MLIP: variants seen among roughly 807,000 people sequenced by gnomAD.
MLIP encodes the protein muscular LMNA-interacting protein.
Under a neutral mutation model 84.8 loss-of-function variants are expected in MLIP, and 79 were observed. The ratio of observed to expected loss-of-function variants is 0.93; its 90% CI spans 0.78 to 1.12. The LOEUF is 1.12. Among genes scored for constraint, MLIP ranks in the 50% most tolerant of loss-of-function variants. The probability of loss-of-function intolerance (pLI) is 0.00; values close to 1 mark genes in which losing one functional copy is unlikely to be tolerated. For missense variants in MLIP, 1,257 were observed against 1,160.6 expected, an observed-to-expected ratio of 1.08 and a Z score of -1.21; for synonymous variants, 504 against 463.0, an observed-to-expected ratio of 1.09 and a Z score of -1.14.
chr6:54,124,635 G>A lies in MLIP; in HGVS notation c.415G>A (p.Glu139Lys). The A allele has an allele frequency of 6.2e-7, 1 of 1,614,188 alleles. No homozygotes were observed. The highest frequency in any genetic ancestry group is 8.5e-7 in the Non-Finnish European group (1 of 1,180,024). Reference protein sequence around the residue: ...GMQQSDLFKAEYVLIVDSEGE... With the variant: ...GMQQSDLFKAKYVLIVDSEGE... ...GCAGCAAAGTGACCTCTTCAAAGCT[G>A]AATATGTCCTTATTGTGGACTCCGA... Residue 139 changes from glutamate (E) to lysine (K), a missense_variant, in exon 3 of 14, where the codon GAA (glutamate) becomes AAA (lysine). Transcript: ENST00000502396.
intron 5 of MLIP, 26 bp from the exon 6 acceptor site, chr6:54,160,341 A>G (rs371152821): frequency 5.0e-6 from 8 of 1,597,748 alleles, no homozygotes; most frequent in South Asian, 1.1e-5. Context: ...GAAGCCTCAT[A>G]TAAGAACTAT....
chr6:54,203,482 T>C (rs1188988391), intron 11 of MLIP: 1 of 152,192 alleles, frequency 6.6e-6, no homozygotes, highest in African/African-American at 2.4e-5. Flanking sequence ...TAATTACATT[T>C]ATATTTATAT....
intron 1 of MLIP, among the ~76,000 whole-genome samples, chr6:54,105,641 C>G (rs900612882): frequency 1.3e-5 from 2 of 152,050 alleles, no homozygotes; most frequent in East Asian, 3.9e-4. Context: ...AGAAAAATAA[C>G]ATGGGCTAAG....
chr6:54,178,482 T>C (rs1338589288), intron 9 of MLIP, among the ~76,000 whole-genome samples: 1 of 152,184 alleles, frequency 6.6e-6, no homozygotes, highest in African/African-American at 2.4e-5. Flanking sequence ...GACTTTCTAG[T>C]TGTTTAAGGT....
Position 54,194,239 on chromosome 6 carries a change from G to T in MLIP, c.2589+4325G>T, listed in dbSNP as rs185189595. Among the ~76,000 whole-genome samples the T allele has an allele frequency of 2.2e-3, 336 of 152,166 alleles. 2 individuals are homozygous for T. The highest frequency in any genetic ancestry group is 7.7e-3 in the African/African-American group (320 of 41,496). On this transcript the variant is annotated intron_variant, in intron 10 of 13. Transcript: ENST00000502396. Reference sequence around the variant, plus strand: ...TCATCTTTCTGAGGGCCCTTTTAAGGCCTCTGTTGTTCAGAAAATGCAGCC... The same window carrying T: ...TCATCTTTCTGAGGGCCCTTTTAAGTCCTCTGTTGTTCAGAAAATGCAGCC...
intron 1 of MLIP, among the ~76,000 whole-genome samples, chr6:54,056,569 C>G (rs1163599431): frequency 6.6e-6 from 1 of 152,130 alleles, no homozygotes; most frequent in Non-Finnish European, 1.5e-5. Context: ...TGAGAGAATA[C>G]TTTTATATTT....
chr6:54,110,866 A>G (rs899152755), upstream of MLIP, among the ~76,000 whole-genome samples: 3 of 152,214 alleles, frequency 2.0e-5, no homozygotes, highest in African/African-American at 7.2e-5. Context: ...TTTGACAAGG[A>G]TTTGATTCCA....
chr6:54,054,969 G>T (rs549370291), intron 1 of MLIP, among the ~76,000 whole-genome samples: 1 of 151,334 alleles, frequency 6.6e-6, no homozygotes, highest in African/African-American at 2.4e-5. Context: ...CTCACTACAA[G>T]CTCCGCCTCC....
chr6:54,138,397 G>T, intron 4 of MLIP, 111 bp downstream of exon 4: 2 of 1,299,010 alleles, frequency 1.5e-6, no homozygotes, highest in South Asian at 1.6e-5. Flanking sequence ...CTCCTACAAG[G>T]AGGAAGAAAA....
intron 1 of MLIP, among the ~76,000 whole-genome samples, chr6:54,032,825 A>G (rs1306525127): frequency 1.3e-5 from 2 of 152,166 alleles, no homozygotes; most frequent in Non-Finnish European, 2.9e-5. Flanking sequence ...AAGAGGGATC[A>G]TTTTTTGGTT....
intron 1 of MLIP, among the ~76,000 whole-genome samples, chr6:54,041,353 T>C (rs1764731531): frequency 6.6e-6 from 1 of 152,142 alleles, no homozygotes; most frequent in Admixed American, 6.6e-5. Flanking sequence ...GTTCATGATT[T>C]TTGGCAGTTA....
At chr6:54,057,992 C>A (rs1247714057) in intron 1 of MLIP, 3 of 152,116 alleles carry the variant, frequency 2.0e-5, no homozygotes, top group Non-Finnish European at 2.9e-5. Flanking sequence ...TTCCACTTTA[C>A]CCCTGAAACT....
At chr6:54,063,584 C>T (rs951808115) in intron 1 of MLIP, among the ~76,000 whole-genome samples, 1 of 152,086 alleles carries the variant, frequency 6.6e-6, no homozygotes, top group African/African-American at 2.4e-5. Flanking sequence ...CAATTTAAAA[C>T]ATTTGGCTTC....
intron 13 of MLIP, among the ~76,000 whole-genome samples, chr6:54,264,598 A>T (rs1783582858): frequency 6.6e-6 from 1 of 152,138 alleles, no homozygotes; most frequent in African/African-American, 2.4e-5. Flanking sequence ...GTATTAGCCA[A>T]ATGATGATCA....
At chr6:54,262,465 TA>T (rs1783449322) in intron 13 of MLIP, among the ~76,000 whole-genome samples, 1 of 152,066 alleles carries the variant, frequency 6.6e-6, no homozygotes, top group Non-Finnish European at 1.5e-5. Flanking sequence ...TAGTTCATCT[TA>T]AGTTCACCTG....
At chr6:54,058,735 T>C (rs1226543910) in intron 1 of MLIP, among the ~76,000 whole-genome samples, 1 of 152,206 alleles carries the variant, frequency 6.6e-6, no homozygotes, top group Admixed American at 6.5e-5. Context: ...CTCTTTTCCA[T>C]ACATCATACA....
In MLIP at chr6:54,053,238, C is replaced by T. The variant is rs896791743; in HGVS notation, c.63+34147C>T. On this transcript the variant is annotated intron_variant, in intron 1 of 12. Transcript: ENST00000274897. ...GTACTGGGTTGAACCATGTGGAATT[C>T]CCATTTTGTAGTTCAAAACAGTCAA... 1.6e-4 allele frequency among the ~76,000 whole-genome samples: 25 copies of T among 152,104 alleles called. 1 individual carries two copies. The highest frequency in any genetic ancestry group is 5.8e-4 in the African/African-American group (24 of 41,424).
intron 9 of MLIP, among the ~76,000 whole-genome samples, chr6:54,179,570 G>A (rs1245238729): frequency 1.3e-5 from 2 of 151,642 alleles, no homozygotes; most frequent in African/African-American, 4.8e-5. Flanking sequence ...TGTATCTGTT[G>A]TATGGTTTTT....
chr6:54,198,164 G>A (rs191892727), intron 10 of MLIP, among the ~76,000 whole-genome samples: 15 of 152,156 alleles, frequency 9.9e-5, no homozygotes, highest in Admixed American at 9.2e-4. Context: ...TACATGAATC[G>A]CTTAGGGATT....
Sources: allele counts gnomAD v4.1 joint callset (sites outside exome capture counted in the v4.1 genomes callset), GRCh38; gene constraint gnomAD v4.1.1; transcripts MANE v1.5; gene names NCBI Gene and HGNC (gene_info 2026-07-23, HGNC 2026-07-21).